The following LRP1B variants were observed in gnomAD, a reference collection of about 807,000 sequenced individuals.
LRP1B encodes LDL receptor related protein 1B, also known as low-density lipoprotein receptor-related protein 1B.
A neutral mutation model predicts 556.6 loss-of-function variants in LRP1B; 217 were observed. The observed-to-expected ratio is 0.39, with a 90% CI of 0.35 to 0.44. The LOEUF (loss-of-function observed/expected upper bound fraction) is 0.44, where lower values mean the gene tolerates loss of function less well. Ranked by LOEUF, LRP1B falls within the 20% of genes least tolerant of loss-of-function variation. The pLI, the probability that LRP1B is intolerant of heterozygous loss-of-function variation, is 1.00. For missense variants in LRP1B, 5,053 were observed against 5,620.8 expected (o/e 0.90, Z 3.23); for synonymous variants, 2,047 against 1,865.8 (o/e 1.10, Z -2.50).
chr2:141,044,970 C>A (rs1046001636), intron 11 of LRP1B, among the ~76,000 whole-genome samples: 1 of 150,688 alleles, frequency 6.6e-6, no homozygotes, highest in Non-Finnish European at 1.5e-5. Context: ...CACAGGCACA[C>A]GTATGTTTAT....
intron 3 of LRP1B, among the ~76,000 whole-genome samples, chr2:141,322,993 A>G (rs1271083113): frequency 1.3e-5 from 2 of 152,140 alleles, no homozygotes; most frequent in African/African-American, 4.8e-5. Context: ...GAAGACAACA[A>G]TACCTTCATC....
intron 1 of LRP1B, among the ~76,000 whole-genome samples, chr2:142,071,193 T>A (rs536951688): frequency 6.6e-6 from 1 of 152,040 alleles, no homozygotes; most frequent in Admixed American, 6.6e-5. Flanking sequence ...TCTAAAAACA[T>A]CCTAAACCTC....
At chr2:141,705,463 A>G (rs1049482146) in intron 2 of LRP1B, among the ~76,000 whole-genome samples, 1 of 152,018 alleles carries the variant, frequency 6.6e-6, no homozygotes, top group Non-Finnish European at 1.5e-5. Flanking sequence ...TCATGAAGGT[A>G]GGTCACTCTA....
chr2:140,860,029 T>C (rs998153848), intron 27 of LRP1B, among the ~76,000 whole-genome samples: 2 of 151,926 alleles, frequency 1.3e-5, no homozygotes, highest in African/African-American at 4.8e-5. Flanking sequence ...TAAAAAAAAA[T>C]TGCCTTCATT....
intron 17 of LRP1B, among the ~76,000 whole-genome samples, chr2:140,985,141 C>T (rs185880772): frequency 0.11 from 16,318 of 151,878 alleles, 961 homozygotes; most frequent in East Asian, 0.2. Context: ...TTGCTGTAAT[C>T]ATGCTTCTCC....
chr2:141,201,270 T>C (rs1682003312), intron 6 of LRP1B, among the ~76,000 whole-genome samples: 1 of 152,140 alleles, frequency 6.6e-6, no homozygotes, highest in African/African-American at 2.4e-5. Flanking sequence ...TCTGACAAAA[T>C]GTCGTACTAA....
intron 1 of LRP1B, among the ~76,000 whole-genome samples, chr2:141,952,458 T>C (rs1234776572): frequency 6.6e-6 from 1 of 152,196 alleles, no homozygotes. Flanking sequence ...AATTAATTTA[T>C]AGTTTTACTA....
chr2:140,325,645 G>A, intron 80 of LRP1B, 117 bp downstream of exon 80: 1 of 659,394 alleles, frequency 1.5e-6, no homozygotes, highest in Non-Finnish European at 2.5e-6. Flanking sequence ...AAGTTGAAAG[G>A]AGAAAGAATT....
chr2:141,273,511 T>A (rs1685166226), intron 3 of LRP1B, among the ~76,000 whole-genome samples: 1 of 152,106 alleles, frequency 6.6e-6, no homozygotes, highest in Non-Finnish European at 1.5e-5. Flanking sequence ...TTGTACTAGG[T>A]CAACTGGAAA....
At chr2:141,442,560 C>T (rs1361918022) in intron 3 of LRP1B, among the ~76,000 whole-genome samples, 1 of 151,836 alleles carries the variant, frequency 6.6e-6, no homozygotes, top group Non-Finnish European at 1.5e-5. Flanking sequence ...GGTATTTCTC[C>T]TAATGCTATC....
At chr2:141,953,995 C>A (rs1056081570) in intron 1 of LRP1B, among the ~76,000 whole-genome samples, 1 of 152,066 alleles carries the variant, frequency 6.6e-6, no homozygotes, top group Non-Finnish European at 1.5e-5. Context: ...TTTCTCAAAA[C>A]ATCTGATCCT....
chr2:141,002,227 GAA>G (rs5834797), intron 15 of LRP1B, among the ~76,000 whole-genome samples: 8 of 150,604 alleles, frequency 5.3e-5, no homozygotes, highest in African/African-American at 2.0e-4. Flanking sequence ...CATTACTAAA[GAA>G]AAAAAAACCT....
At chr2:140,547,959 GAA>G (rs554822826) in intron 43 of LRP1B, among the ~76,000 whole-genome samples, 2 of 115,068 alleles carry the variant, frequency 1.7e-5, no homozygotes. Flanking sequence ...CTGTAATCAG[GAA>G]AAAAAAAAAA....
chr2:140,413,926 T>G (rs1389318410), intron 66 of LRP1B, among the ~76,000 whole-genome samples: 3 of 152,188 alleles, frequency 2.0e-5, no homozygotes, highest in African/African-American at 7.2e-5. Context: ...TAATTTATTT[T>G]TATTTTTCAA....
At chr2:140,862,150 T>A (rs1692817476) in intron 27 of LRP1B, among the ~76,000 whole-genome samples, 1 of 152,190 alleles carries the variant, frequency 6.6e-6, no homozygotes, top group Non-Finnish European at 1.5e-5. Context: ...CCCAGAAGTA[T>A]CTCAAATTCA....
intron 31 of LRP1B, among the ~76,000 whole-genome samples, chr2:140,835,342 A>C (rs927272704): frequency 6.6e-6 from 1 of 152,170 alleles, no homozygotes; most frequent in African/African-American, 2.4e-5. Flanking sequence ...TATGACAGAG[A>C]AACTTTTACC....
intron 3 of LRP1B, among the ~76,000 whole-genome samples, chr2:141,424,656 ATTTC>A (rs1680283225): frequency 6.6e-6 from 1 of 152,114 alleles, no homozygotes; most frequent in Non-Finnish European, 1.5e-5. Flanking sequence ...CATATTTTTC[ATTTC>A]TTTAATTCTA....
At position 141,346,189 on chromosome 2, in the gene LRP1B, A is replaced by G. The variant is rs1214234664; in HGVS notation, c.344-91548T>C. 3.3e-5 allele frequency among the ~76,000 whole-genome samples: 5 copies of G among 151,708 alleles called. No homozygotes were observed. The East Asian group carries it at 9.7e-4, about 29-fold the overall frequency. On this transcript the variant is annotated intron_variant, in intron 3 of 90. Transcript: ENST00000389484. ...TTTGGGCCTTAAGCTTTTCACATTGATAGACTTTTCTCAAATAGATGATCC... is the reference window on the plus strand; with the variant it reads ...TTTGGGCCTTAAGCTTTTCACATTGGTAGACTTTTCTCAAATAGATGATCC...
chr2:141,268,548 C>T (rs1319694146), intron 3 of LRP1B, among the ~76,000 whole-genome samples: 1 of 151,998 alleles, frequency 6.6e-6, no homozygotes, highest in East Asian at 1.9e-4. Flanking sequence ...CATGGAGGCT[C>T]TTGGAGAAAG....
Sources: gnomAD v4.1 joint callset for allele counts (sites outside exome capture counted in the v4.1 genomes callset) on GRCh38, gnomAD v4.1.1 for gene constraint, MANE v1.5 for transcripts, NCBI Gene and HGNC (gene_info 2026-07-23, HGNC 2026-07-21) for gene names.